Variants in C12orf42 observed in about 807,000 individuals in gnomAD.
C12orf42 encodes the protein chromosome 12 open reading frame 42, also known as uncharacterized protein C12orf42.
C12orf42 carries 25 observed loss-of-function variants against 21.6 expected under a neutral mutation model. That is an observed-to-expected ratio of 1.16 (90% CI 0.84 to 1.62). C12orf42 has a LOEUF of 1.62. Ranked by LOEUF, C12orf42 falls within the 40% of genes most tolerant of loss-of-function variation. The pLI is 0.00. For missense variants in C12orf42, 483 were observed against 459.3 expected, an observed-to-expected ratio of 1.05 and a Z score of -0.47; for synonymous variants, 174 against 175.0, an observed-to-expected ratio of 0.99 and a Z score of 0.05.
chr12:103,274,676 C>T (rs1319108077), intron 5 of C12orf42, among the ~76,000 whole-genome samples: 2 of 152,110 alleles, frequency 1.3e-5, no homozygotes, highest in Non-Finnish European at 2.9e-5. Flanking sequence ...TGCACATGAA[C>T]ATGCTCTTGT....
At chr12:103,368,458 G>A (rs889705227) in intron 4 of C12orf42, among the ~76,000 whole-genome samples, 1 of 151,938 alleles carries the variant, frequency 6.6e-6, no homozygotes, top group Non-Finnish European at 1.5e-5. Context: ...GATTCCAGGG[G>A]TGAACATAAG....
At chr12:103,386,445 T>A (rs1478052152) in intron 3 of C12orf42, among the ~76,000 whole-genome samples, 4 of 152,120 alleles carry the variant, frequency 2.6e-5, no homozygotes, top group Non-Finnish European at 5.9e-5. Context: ...CATGGACTTA[T>A]CTCTGCTCTC....
At chr12:103,076,912 T>C in the C12orf42 span, among the ~76,000 whole-genome samples, 6 of 152,342 alleles carry the variant, frequency 3.9e-5, no homozygotes, top group East Asian at 3.9e-4. Context: ...AGTTGTGAAA[T>C]TGGGATTCAA....
the C12orf42 span, among the ~76,000 whole-genome samples, chr12:103,092,640 C>T: frequency 6.6e-6 from 1 of 152,140 alleles, no homozygotes. Context: ...CACTCATCAC[C>T]CAATCTCTAC....
intron 4 of C12orf42, among the ~76,000 whole-genome samples, chr12:103,323,734 T>C (rs1223571501): frequency 6.6e-6 from 1 of 152,222 alleles, no homozygotes; most frequent in Non-Finnish European, 1.5e-5. Context: ...TCTTCTGATA[T>C]TTCTATTTTT....
chr12:103,494,447 CTT>C (rs1357032095), intron 1 of C12orf42, among the ~76,000 whole-genome samples: 2 of 152,130 alleles, frequency 1.3e-5, no homozygotes, highest in East Asian at 1.9e-4. Context: ...CTCTTTTTCT[CTT>C]TCTCTCTCCA....
the C12orf42 span, among the ~76,000 whole-genome samples, chr12:103,143,960 T>C: frequency 6.6e-6 from 1 of 152,202 alleles, no homozygotes; most frequent in Admixed American, 6.5e-5. Context: ...TCATTATTAT[T>C]ATCACAGGGT....
the C12orf42 span, among the ~76,000 whole-genome samples, chr12:103,180,536 G>T: frequency 1.5e-4 from 22 of 147,562 alleles, no homozygotes; most frequent in Admixed American, 1.4e-3. Context: ...TTGAAATGCA[G>T]ATTCCAGGAC....
In C12orf42 at chr12:103,423,195, A is replaced by G. The variant is rs191027679; in HGVS notation, c.79-21520T>C. ...CCCCAGCCCTTTGTCACGGGGTCAA[A>G]GCCAGGACCTCAGCTGAGTATCCTC... On this transcript the variant is annotated intron_variant, in intron 2 of 5. Transcript: ENST00000548883. Among the ~76,000 whole-genome samples, 81 of 152,346 alleles carry G rather than the reference A, an allele frequency of 5.3e-4. 1 individual carries two copies. The highest frequency in any genetic ancestry group is 5.2e-3 in the Admixed American group (80 of 15,302).
the C12orf42 span, among the ~76,000 whole-genome samples, chr12:103,208,142 G>A: frequency 6.6e-6 from 1 of 152,190 alleles, no homozygotes; most frequent in Admixed American, 6.5e-5. Context: ...CAAGCAAAGA[G>A]GCTAGTCGGC....
chr12:103,410,520 G>C (rs2048756553), intron 2 of C12orf42, among the ~76,000 whole-genome samples: 1 of 152,154 alleles, frequency 6.6e-6, no homozygotes, highest in Admixed American at 6.5e-5. Flanking sequence ...GGTTTCATAA[G>C]AAAGAGGCCT....
chr12:103,197,179 G>A, the C12orf42 span, among the ~76,000 whole-genome samples: 23 of 152,092 alleles, frequency 1.5e-4, no homozygotes, highest in African/African-American at 4.8e-4. Context: ...TATGGAGCTC[G>A]GTTTGGCTGG....
the C12orf42 span, among the ~76,000 whole-genome samples, chr12:103,146,609 AAAAAG>A: frequency 1.3e-5 from 2 of 150,978 alleles, no homozygotes; most frequent in Non-Finnish European, 3.0e-5. Flanking sequence ...AGAAAGAAAG[AAAAAG>A]AAAAGTAAAC....
the C12orf42 span, among the ~76,000 whole-genome samples, chr12:103,551,753 G>T: frequency 9.9e-5 from 15 of 152,244 alleles, no homozygotes; most frequent in East Asian, 1.7e-3. Context: ...GGAGGTGAAG[G>T]TTGCAGTGAG....
chr12:103,478,371 C>G lies in C12orf42; in HGVS notation c.56G>C (p.Arg19Thr). Residue 19 changes from arginine (R) to threonine (T), a missense_variant, in exon 2 of 6, where the codon AGA becomes ACA. By Grantham distance (71) the Arg-to-Thr change is moderately conservative. Transcript: ENST00000548883. ...TACCTGCATCCTGTTTGCAAAAGGT[C>G]TGATGGTTAGCAAGAATTCTTCTTC... ...QREEEFLLTI[R>T]PFANRMQKSP... 6.2e-7 allele frequency: 1 copy of G among 1,604,134 alleles called. No individual in the cohort carries two copies. The highest frequency in any genetic ancestry group is 1.1e-5 in the South Asian group (1 of 89,524).
At chr12:103,525,608 C>A in the C12orf42 span, among the ~76,000 whole-genome samples, 1 of 151,916 alleles carries the variant, frequency 6.6e-6, no homozygotes, top group Non-Finnish European at 1.5e-5. Context: ...ATTGTAGTAA[C>A]CCCATTAGCA....
the C12orf42 span, among the ~76,000 whole-genome samples, chr12:103,070,985 T>C: frequency 6.6e-6 from 1 of 152,326 alleles, no homozygotes; most frequent in Non-Finnish European, 1.5e-5. Context: ...TGTCTGACTG[T>C]ATTTGCTTTA....
At chr12:103,295,535 T>C (rs778911549) in intron 4 of C12orf42, among the ~76,000 whole-genome samples, 1 of 152,128 alleles carries the variant, frequency 6.6e-6, no homozygotes, top group Non-Finnish European at 1.5e-5. Flanking sequence ...ACTTTCCTCA[T>C]TGGTAAATGG....
intron 4 of C12orf42, among the ~76,000 whole-genome samples, chr12:103,336,633 C>A (rs550154867): frequency 2.0e-5 from 3 of 152,106 alleles, no homozygotes; most frequent in African/African-American, 4.8e-5. Context: ...TATATGTAAT[C>A]CTGGGGACCA....
Sources: allele counts gnomAD v4.1 joint callset (sites outside exome capture counted in the v4.1 genomes callset), GRCh38; gene constraint gnomAD v4.1.1; transcripts MANE v1.5; gene names NCBI Gene and HGNC (gene_info 2026-07-23, HGNC 2026-07-21).